Variants in LRCH1 observed in about 807,000 individuals in gnomAD.
The protein encoded by LRCH1 is leucine rich repeats and calponin homology domain containing 1, also known as leucine-rich repeat and calponin homology domain-containing protein 1.
Under a neutral mutation model 94.9 loss-of-function variants are expected in LRCH1, and 23 were observed. The ratio of observed to expected loss-of-function variants is 0.24; its 90% CI spans 0.17 to 0.34. The LOEUF (loss-of-function observed/expected upper bound fraction) is 0.34. Among genes scored for constraint, LRCH1 ranks in the 10% least tolerant of loss-of-function variants. The pLI, the probability that LRCH1 is intolerant of heterozygous loss-of-function variation, is 1.00. For missense variants in LRCH1, 790 were observed against 945.9 expected, an observed-to-expected ratio of 0.84 and a Z score of 2.16; for synonymous variants, 364 against 354.9, an observed-to-expected ratio of 1.03 and a Z score of -0.29.
chr13:46,729,425 C>T (rs912886450), intron 18 of LRCH1, among the ~76,000 whole-genome samples: 1 of 151,614 alleles, frequency 6.6e-6, no homozygotes, highest in Non-Finnish European at 1.5e-5. Context: ...TGGTGGCACG[C>T]ACCTGTGGTC....
intron 17 of LRCH1, 33 bp from the exon 18 acceptor site, chr13:46,728,814 T>C (rs374064018): frequency 2.5e-5 from 39 of 1,571,184 alleles, no homozygotes; most frequent in Non-Finnish European, 3.2e-5. Context: ...TCAGTGTTCA[T>C]ATTAACTGGC....
chr13:46,565,491 A>G (rs1023123757), intron 1 of LRCH1, among the ~76,000 whole-genome samples: 1 of 152,056 alleles, frequency 6.6e-6, no homozygotes, highest in Non-Finnish European at 1.5e-5. Flanking sequence ...TTATTCCTCA[A>G]TTCAACGGTG....
intron 1 of LRCH1, among the ~76,000 whole-genome samples, chr13:46,610,749 T>C (rs1021919200): frequency 6.6e-6 from 1 of 152,230 alleles, no homozygotes; most frequent in African/African-American, 2.4e-5. Flanking sequence ...TAGGCATTTG[T>C]GCTGGTTCCA....
intron 18 of LRCH1, among the ~76,000 whole-genome samples, chr13:46,731,813 G>A (rs1707583381): frequency 6.6e-6 from 1 of 151,896 alleles, no homozygotes; most frequent in African/African-American, 2.4e-5. Context: ...GCCCCCACCT[G>A]CCCCCCAAAT....
intron 1 of LRCH1, among the ~76,000 whole-genome samples, chr13:46,649,635 A>G (rs1006590391): frequency 2.0e-5 from 3 of 152,060 alleles, no homozygotes; most frequent in African/African-American, 4.8e-5. Context: ...ATTGTCTGTT[A>G]TGGGTTCATT....
At position 46,744,125 on chromosome 13, in the gene LRCH1, C is replaced by T. The variant is rs1873803321; in HGVS notation, c.*2277C>T. 4.6e-5 allele frequency: 45 copies of T among 985,224 alleles called. No homozygotes were observed. The highest frequency in any genetic ancestry group is 5.4e-5 in the Non-Finnish European group (45 of 829,924). 61.0% of individuals were successfully genotyped at this position (985,224 alleles called of 1,614,324 possible). ...AATATTAAGCTTCTCTGTGGTTTTT[C>T]TCCAAGGTACCCGTGCACCAGCCCA... On this transcript the variant is annotated 3_prime_UTR_variant, in exon 20 of 20. Coordinates refer to ENST00000389797, the MANE Select transcript of LRCH1 (RefSeq NM_001164211.2).
At chr13:46,626,780 G>A (rs961896216) in intron 1 of LRCH1, among the ~76,000 whole-genome samples, 9 of 152,032 alleles carry the variant, frequency 5.9e-5, no homozygotes, top group African/African-American at 9.7e-5. Context: ...GATAGGAAAG[G>A]ACATATGGTA....
At position 46,560,788 on chromosome 13, in the gene LRCH1, A is replaced by T. The variant is rs577289163; in HGVS notation, c.307+7085A>T. 2.6e-5 allele frequency among the ~76,000 whole-genome samples: 4 copies of T among 152,374 alleles called. No homozygotes were observed. In the South Asian group the frequency reaches 8.3e-4, roughly 32 times the overall value. On this transcript the variant is annotated intron_variant, in intron 1 of 19. Coordinates refer to ENST00000389797, the MANE Select transcript of LRCH1 (RefSeq NM_001164211.2). ...TAATGTAGGAAAACTAGGCATTCTA[A>T]TATAGACTCAAACATGAAATATGCC...
At chr13:46,575,782 TTCTC>T (rs920128986) in intron 1 of LRCH1, among the ~76,000 whole-genome samples, 1 of 152,186 alleles carries the variant, frequency 6.6e-6, no homozygotes, top group Non-Finnish European at 1.5e-5. Flanking sequence ...CATGTTTTCT[TTCTC>T]TCTCTCTTTA....
intron 19 of LRCH1, among the ~76,000 whole-genome samples, chr13:46,740,970 G>T (rs1273478847): frequency 6.6e-6 from 1 of 152,000 alleles, no homozygotes; most frequent in Non-Finnish European, 1.5e-5. Context: ...TCCATGTGGG[G>T]GTGTACTTTT....
intron 1 of LRCH1, among the ~76,000 whole-genome samples, chr13:46,608,813 CAATT>C (rs904767897): frequency 1.3e-5 from 2 of 152,162 alleles, no homozygotes; most frequent in African/African-American, 2.4e-5. Flanking sequence ...ATGTAATTGA[CAATT>C]AACTCCATAA....
chr13:46,665,935 C>T (rs749546587), intron 2 of LRCH1, among the ~76,000 whole-genome samples: 19 of 152,250 alleles, frequency 1.2e-4, no homozygotes, highest in Admixed American at 4.6e-4. Flanking sequence ...CTTTTCCTCT[C>T]CTGTCTAAAT....
intron 2 of LRCH1, among the ~76,000 whole-genome samples, chr13:46,656,039 C>T (rs926923505): frequency 2.0e-5 from 3 of 152,352 alleles, no homozygotes; most frequent in Admixed American, 6.5e-5. Flanking sequence ...GCTGCTTTCT[C>T]TGCAGCCTGG....
intron 2 of LRCH1, 121 bp from the exon 3 acceptor site, chr13:46,668,909 C>A: frequency 1.0e-6 from 1 of 967,116 alleles, no homozygotes; most frequent in East Asian, 2.5e-5. Context: ...TATTGGACTT[C>A]TTGTATTTGT....
chr13:46,696,458 T>C (rs756540442), intron 9 of LRCH1, among the ~76,000 whole-genome samples: 2 of 152,156 alleles, frequency 1.3e-5, no homozygotes, highest in Non-Finnish European at 2.9e-5. Context: ...AAGATATCAA[T>C]ATTTAAGTTC....
chr13:46,558,555 G>A (rs543430255), intron 1 of LRCH1, among the ~76,000 whole-genome samples: 26 of 83,208 alleles, frequency 3.1e-4, no homozygotes, highest in Admixed American at 3.1e-3. Context: ...GGCCAAGACG[G>A]TGAAACCCTG....
chr13:46,615,935 C>T (rs991507686), intron 1 of LRCH1, among the ~76,000 whole-genome samples: 5 of 151,140 alleles, frequency 3.3e-5, no homozygotes, highest in African/African-American at 4.9e-5. Flanking sequence ...TGCCTTTCCT[C>T]TCTGTTTGTA....
chr13:46,553,314 C>A lies in LRCH1; in HGVS notation c.-83C>A. 2.5e-6 allele frequency: 3 copies of A among 1,210,108 alleles called. No individual in the cohort carries two copies. Among genetic ancestry groups the A allele is most frequent in the Non-Finnish European group, 3.4e-6 (3 of 874,678 alleles). The allele number at this position is 1,210,108 out of a possible 1,614,324, so 75.0% of individuals were successfully genotyped here. A position where few individuals can be genotyped will look rare whatever the true frequency, so the allele number is the denominator to read the frequency against. ...TCGGTGGAGCACTGCGGCACTCAGC[C>A]CGAGCTGCCGTTTTCCCCTCGCGGG... On this transcript the variant is annotated 5_prime_UTR_variant, in exon 1 of 20. Transcript: ENST00000389797.
chr13:46,601,905 T>C (rs776761255), intron 1 of LRCH1, among the ~76,000 whole-genome samples: 1 of 152,208 alleles, frequency 6.6e-6, no homozygotes, highest in Non-Finnish European at 1.5e-5. Context: ...GCTTTCTCTT[T>C]ATTAGGAGAA....
Sources: allele counts gnomAD v4.1 joint callset (sites outside exome capture counted in the v4.1 genomes callset), GRCh38; gene constraint gnomAD v4.1.1; transcripts MANE v1.5; gene names NCBI Gene and HGNC (gene_info 2026-07-23, HGNC 2026-07-21).